ARHGAP28: variants seen among roughly 807,000 people sequenced by gnomAD.
ARHGAP28 encodes rho GTPase-activating protein 28.
Under a neutral mutation model 90.7 loss-of-function variants are expected in ARHGAP28, and 56 were observed. That is an observed-to-expected ratio of 0.62 (90% CI 0.50 to 0.77). The LOEUF (loss-of-function observed/expected upper bound fraction) is 0.77, where lower values mean the gene tolerates loss of function less well. Among genes scored for constraint, ARHGAP28 ranks in the 30% least tolerant of loss-of-function variants. The pLI is 0.00. For missense variants in ARHGAP28, 869 were observed against 900.9 expected, an observed-to-expected ratio of 0.96 and a Z score of 0.45; for synonymous variants, 308 against 323.3, an observed-to-expected ratio of 0.95 and a Z score of 0.51.
At chr18:6,848,636 G>A (rs758526119) in intron 3 of ARHGAP28, among the ~76,000 whole-genome samples, 5 of 152,084 alleles carry the variant, frequency 3.3e-5, no homozygotes, top group Non-Finnish European at 7.4e-5. Flanking sequence ...ATTTTACATC[G>A]GCCAAAGGGG....
At chr18:6,772,441 A>G (rs1334600740) in intron 1 of ARHGAP28, among the ~76,000 whole-genome samples, 1 of 152,218 alleles carries the variant, frequency 6.6e-6, no homozygotes, top group African/African-American at 2.4e-5. Flanking sequence ...TTTTTACTTT[A>G]CAATAGTGCA....
intron 2 of ARHGAP28, among the ~76,000 whole-genome samples, chr18:6,830,143 T>C (rs74438277): frequency 0.018 from 2,728 of 152,278 alleles, 77 homozygotes; most frequent in African/African-American, 0.062. Flanking sequence ...TGACCTCATC[T>C]CAATTTTTTT....
intron 1 of ARHGAP28, among the ~76,000 whole-genome samples, chr18:6,797,658 G>C (rs540041703): frequency 6.6e-6 from 1 of 151,064 alleles, no homozygotes; most frequent in Admixed American, 6.6e-5. Flanking sequence ...GATGTTTTTA[G>C]AAACGCTTTT....
intron 1 of ARHGAP28, among the ~76,000 whole-genome samples, chr18:6,746,638 G>A (rs1252092322): frequency 1.3e-5 from 2 of 152,206 alleles, no homozygotes; most frequent in Admixed American, 6.5e-5. Flanking sequence ...TGAAAACACT[G>A]AGTCTCAGAG....
At chr18:6,804,267 C>T (rs748518130) in intron 1 of ARHGAP28, among the ~76,000 whole-genome samples, 3 of 152,144 alleles carry the variant, frequency 2.0e-5, no homozygotes, top group African/African-American at 7.2e-5. Context: ...CATTTAATAT[C>T]AGTAAAATTT....
At chr18:6,792,823 T>G (rs1462401719) in intron 1 of ARHGAP28, among the ~76,000 whole-genome samples, 1 of 152,188 alleles carries the variant, frequency 6.6e-6, no homozygotes, top group Non-Finnish European at 1.5e-5. Context: ...GAACTATAGG[T>G]TCTTAGGTTA....
chr18:6,829,556 A>G (rs2056699590), intron 2 of ARHGAP28, among the ~76,000 whole-genome samples: 1 of 152,202 alleles, frequency 6.6e-6, no homozygotes, highest in Non-Finnish European at 1.5e-5. Context: ...ATACAATTCA[A>G]TGAGCTTTGA....
chr18:6,781,984 G>A (rs752567131), intron 1 of ARHGAP28, among the ~76,000 whole-genome samples: 2 of 152,146 alleles, frequency 1.3e-5, no homozygotes, highest in Admixed American at 6.5e-5. Context: ...TAGGGATGGG[G>A]ACAGGGCAGT....
At chr18:6,897,425 T>A (rs1313788802) in intron 16 of ARHGAP28, 4 of 152,212 alleles carry the variant, frequency 2.6e-5, no homozygotes, top group African/African-American at 9.6e-5. Context: ...TTACAAAAAT[T>A]ATTTTTGCAA....
chr18:6,786,361 G>A (rs939385293), intron 1 of ARHGAP28, among the ~76,000 whole-genome samples: 6 of 151,846 alleles, frequency 4.0e-5, no homozygotes, highest in Non-Finnish European at 7.4e-5. Flanking sequence ...TCCTAACTAT[G>A]CCAGTCCCAA....
At position 6,769,583 on chromosome 18, in the gene ARHGAP28, C is replaced by T. The variant is rs1008628427; in HGVS notation, c.122+39640C>T. The stretch of plus-strand genomic sequence containing the variant: ...GTACTGGTATGATCTCTATTTTATT[C>T]ACGAGGAAAGCGAGACTTGGAAAGA... On this transcript the variant is annotated intron_variant, in intron 1 of 17. Coordinates refer to ENST00000383472, the MANE Select transcript of ARHGAP28 (RefSeq NM_001366230.1). 9.9e-5 allele frequency among the ~76,000 whole-genome samples: 15 copies of T among 152,278 alleles called. No homozygotes were observed. In the South Asian group the frequency reaches 3.1e-3, roughly 32 times the overall value.
At chr18:6,740,838 T>C (rs2055970104) in intron 1 of ARHGAP28, among the ~76,000 whole-genome samples, 1 of 152,174 alleles carries the variant, frequency 6.6e-6, no homozygotes, top group South Asian at 2.1e-4. Context: ...TGGAAAAGTG[T>C]CTTGCCTAGA....
intron 1 of ARHGAP28, among the ~76,000 whole-genome samples, chr18:6,821,214 A>G (rs945734404): frequency 2.6e-5 from 4 of 152,242 alleles, no homozygotes; most frequent in Non-Finnish European, 5.9e-5. Context: ...ACTAAAATAT[A>G]GTATAAGTTA....
At chr18:6,741,652 T>G (rs2055978720) in intron 1 of ARHGAP28, among the ~76,000 whole-genome samples, 1 of 152,028 alleles carries the variant, frequency 6.6e-6, no homozygotes, top group African/African-American at 2.4e-5. Context: ...TAGCACCAAT[T>G]CTCTTTAGAG....
intron 2 of ARHGAP28, among the ~76,000 whole-genome samples, chr18:6,830,735 G>T (rs2056709032): frequency 6.6e-6 from 1 of 152,054 alleles, no homozygotes. Flanking sequence ...TCCAAATAAG[G>T]TTATATTCAT....
chr18:6,879,084 GT>G (rs1212009404), intron 10 of ARHGAP28, among the ~76,000 whole-genome samples: 1 of 152,140 alleles, frequency 6.6e-6, no homozygotes, highest in Non-Finnish European at 1.5e-5. Flanking sequence ...GAAGCTGCTG[GT>G]TTTAGCCAAA....
In ARHGAP28 at chr18:6,763,059, C is replaced by T. The variant is rs561744346; in HGVS notation, c.122+33116C>T. Among the ~76,000 whole-genome samples, 3 of 151,960 alleles carry T rather than the reference C, an allele frequency of 2.0e-5. No individual in the cohort carries two copies. In the South Asian group the frequency reaches 6.2e-4, roughly 32 times the overall value. ...CTTGTATCATCCCATTTAATTTTCA[C>T]AATAACTTTATGAGAGGGATGGTTG... On this transcript the variant is annotated intron_variant, in intron 1 of 17. Coordinates refer to ENST00000383472, the MANE Select transcript of ARHGAP28 (RefSeq NM_001366230.1).
At position 6,729,893 on chromosome 18, in the gene ARHGAP28, C is replaced by T. The variant is rs894049666; in HGVS notation, c.72C>T (p.Asn24=). Residue 24 remains asparagine, a synonymous_variant, in exon 1 of 18, where the codon AAC becomes AAT. Transcript: ENST00000383472. ...YHSYARAQPP[N]AESRCAPRAA... ...CGTACGCGCGCGCCCAGCCCCCCAA[C>T]GCCGAGTCGCGCTGCGCGCCCCGCG... 7.0e-7 allele frequency: 1 copy of T among 1,424,754 alleles called. No homozygotes were observed. Among genetic ancestry groups the T allele is most frequent in the African/African-American group, 1.5e-5 (1 of 67,356 alleles). The allele number at this position is 1,424,754 out of a possible 1,614,324, so 88.3% of individuals were successfully genotyped here.
rs562030802 is a variant in ARHGAP28, at chr18:6,824,764, A to T, written c.125A>T (p.Lys42Ile). ...RAAASHPLSR[K>I]SIPRCRRINR... ...CATAGATATTATTCTTTCCTCAGAA[A>T]ATCCATTCCTCGCTGCCGAAGAATT... Residue 42 changes from lysine (K) to isoleucine (I), a missense_variant and splice_region_variant, in exon 2 of 18, where the codon AAA becomes ATA. Coordinates refer to ENST00000383472, the MANE Select transcript of ARHGAP28 (RefSeq NM_001366230.1). 5.9e-6 allele frequency: 9 copies of T among 1,533,504 alleles called. No homozygotes were observed. In the East Asian group the frequency reaches 2.0e-4, roughly 33 times the overall value. The allele number at this position is 1,533,504 out of a possible 1,614,324, so 95.0% of individuals were successfully genotyped here.
Sources: allele counts gnomAD v4.1 joint callset (sites outside exome capture counted in the v4.1 genomes callset), GRCh38; gene constraint gnomAD v4.1.1; transcripts MANE v1.5; gene names NCBI Gene and HGNC (gene_info 2026-07-23, HGNC 2026-07-21).